RBFOX1: variants seen among roughly 807,000 people sequenced by gnomAD.
RBFOX1 encodes the protein RNA binding protein fox-1 homolog 1.
In RBFOX1, 8 loss-of-function variants were observed where a neutral mutation model predicts 57.7. The ratio of observed to expected loss-of-function variants is 0.14; its 90% CI spans 0.08 to 0.25. RBFOX1 has a LOEUF of 0.25. Ranked by LOEUF, RBFOX1 falls within the 10% of genes least tolerant of loss-of-function variation. The probability of loss-of-function intolerance (pLI) is 1.00; values close to 1 mark genes in which losing one functional copy is unlikely to be tolerated. For synonymous variants in RBFOX1, 326 were observed against 222.4 expected, an observed-to-expected ratio of 1.47 and a Z score of -4.15; for missense variants, 611 against 548.5, an observed-to-expected ratio of 1.11 and a Z score of -1.14.
At chr16:5,296,865 G>A (rs928516604) in intron 1 of RBFOX1, among the ~76,000 whole-genome samples, 3 of 151,902 alleles carry the variant, frequency 2.0e-5, no homozygotes, top group Non-Finnish European at 4.4e-5. Flanking sequence ...TTTTAGTAGA[G>A]ATAGGGTTTC....
chr16:7,441,375 A>G (rs778971419), intron 4 of RBFOX1, among the ~76,000 whole-genome samples: 2 of 152,160 alleles, frequency 1.3e-5, no homozygotes, highest in African/African-American at 2.4e-5. Context: ...TTTATTTTCA[A>G]AGGATTAGAG....
At chr16:6,340,108 T>C (rs1046014179) in intron 2 of RBFOX1, among the ~76,000 whole-genome samples, 1 of 152,324 alleles carries the variant, frequency 6.6e-6, no homozygotes, top group African/African-American at 2.4e-5. Context: ...AAGTGCAGCC[T>C]GATTAATACT....
At chr16:7,677,161 C>CACACT (rs2073578174) in intron 14 of RBFOX1, among the ~76,000 whole-genome samples, 1 of 43,924 alleles carries the variant, frequency 2.3e-5, no homozygotes, top group African/African-American at 5.9e-5. Flanking sequence ...ACACACACAC[C>CACACT]GTACAACCTT....
At chr16:5,811,817 A>T (rs190253291) in intron 3 of RBFOX1, among the ~76,000 whole-genome samples, 1 of 152,312 alleles carries the variant, frequency 6.6e-6, no homozygotes, top group African/African-American at 2.4e-5. Flanking sequence ...TATTGTTTCT[A>T]TGAAATACAA....
At chr16:6,769,451 C>T (rs576708065) in intron 3 of RBFOX1, among the ~76,000 whole-genome samples, 2 of 152,228 alleles carry the variant, frequency 1.3e-5, no homozygotes, top group African/African-American at 2.4e-5. Context: ...TACATCTCCA[C>T]TGCAACATTC....
intron 4 of RBFOX1, among the ~76,000 whole-genome samples, chr16:7,113,453 C>T (rs1174924354): frequency 3.9e-5 from 6 of 152,116 alleles, no homozygotes; most frequent in African/African-American, 1.4e-4. Flanking sequence ...TGACAATATC[C>T]TCCCACTTCC....
intron 1 of RBFOX1, among the ~76,000 whole-genome samples, chr16:6,116,443 A>T (rs1203826580): frequency 6.6e-6 from 1 of 152,208 alleles, no homozygotes; most frequent in Non-Finnish European, 1.5e-5. Context: ...GCTGTTAATC[A>T]AAGTTTTCTT....
chr16:6,450,818 CATATATATATATAT>C (rs1305191127), intron 2 of RBFOX1, among the ~76,000 whole-genome samples: 1 of 17,706 alleles, frequency 5.6e-5, no homozygotes, highest in Non-Finnish European at 9.6e-5. Flanking sequence ...TATATATATA[CATATATATATATAT>C]ATATGTGTAT....
At chr16:7,378,063 C>G (rs2097717205) in intron 4 of RBFOX1, among the ~76,000 whole-genome samples, 1 of 152,150 alleles carries the variant, frequency 6.6e-6, no homozygotes, top group Non-Finnish European at 1.5e-5. Flanking sequence ...ACTCCGGTGG[C>G]TAGAGGATTC....
At chr16:6,596,956 C>T (rs1300905899) in intron 2 of RBFOX1, among the ~76,000 whole-genome samples, 1 of 152,138 alleles carries the variant, frequency 6.6e-6, no homozygotes, top group Non-Finnish European at 1.5e-5. Context: ...TGGTTTCTGC[C>T]ACTAGCACAG....
chr16:6,129,558 T>C (rs575673602), intron 1 of RBFOX1, among the ~76,000 whole-genome samples: 21 of 152,010 alleles, frequency 1.4e-4, no homozygotes, highest in African/African-American at 4.1e-4. Flanking sequence ...ATATCTGTGA[T>C]TGAAAGCATA....
chr16:5,955,283 C>CAATAATATAAAATAA (rs1567187333), intron 4 of RBFOX1, among the ~76,000 whole-genome samples: 4 of 111,594 alleles, frequency 3.6e-5, no homozygotes, highest in African/African-American at 1.5e-4. Flanking sequence ...CTCTGTCTCC[C>CAATAATATAAAATAA]AATAAAATAA....
chr16:6,778,018 T>C (rs1253384402), intron 3 of RBFOX1, among the ~76,000 whole-genome samples: 4 of 152,144 alleles, frequency 2.6e-5, no homozygotes, highest in Admixed American at 2.6e-4. Flanking sequence ...TTATGCTCCA[T>C]GTGTGAACTC....
At chr16:6,767,947 T>TAATAATAATAATAATAATAAG (rs1410744665) in intron 3 of RBFOX1, among the ~76,000 whole-genome samples, 9 of 101,046 alleles carry the variant, frequency 8.9e-5, no homozygotes, top group South Asian at 3.6e-4. Flanking sequence ...ATAATAATAA[T>TAATAATAATAATAATAATAAG]AAGAAGAAGA....
At chr16:6,048,876 G>A (rs1209984409) in intron 1 of RBFOX1, among the ~76,000 whole-genome samples, 2 of 152,052 alleles carry the variant, frequency 1.3e-5, no homozygotes, top group Non-Finnish European at 2.9e-5. Flanking sequence ...GAATATAAAT[G>A]GTTATCTTGG....
At chr16:5,326,663 T>A (rs559059562) in intron 1 of RBFOX1, among the ~76,000 whole-genome samples, 1 of 152,342 alleles carries the variant, frequency 6.6e-6, no homozygotes, top group African/African-American at 2.4e-5. Flanking sequence ...CATCTTTATT[T>A]AGCAGAGGTT....
chr16:5,818,137 T>C (rs1314436745), intron 3 of RBFOX1, among the ~76,000 whole-genome samples: 1 of 152,202 alleles, frequency 6.6e-6, no homozygotes, highest in Non-Finnish European at 1.5e-5. Flanking sequence ...CATTAGATCA[T>C]CACCATCCTT....
At chr16:6,798,139 G>A (rs2084523812) in intron 3 of RBFOX1, among the ~76,000 whole-genome samples, 1 of 152,064 alleles carries the variant, frequency 6.6e-6, no homozygotes, top group African/African-American at 2.4e-5. Flanking sequence ...AGGTCTCATT[G>A]TGATTAGCAG....
intron 1 of RBFOX1, among the ~76,000 whole-genome samples, chr16:6,178,262 C>G (rs772100570): frequency 2.2e-5 from 3 of 133,832 alleles, no homozygotes; most frequent in Non-Finnish European, 4.6e-5. Context: ...TCTCGGTTCA[C>G]TGCAACCTCT....
Sources: gnomAD v4.1 joint callset for allele counts (sites outside exome capture counted in the v4.1 genomes callset) on GRCh38, gnomAD v4.1.1 for gene constraint, MANE v1.5 for transcripts, NCBI Gene and HGNC (gene_info 2026-07-23, HGNC 2026-07-21) for gene names.